Variants in HSD17B2 observed in about 807,000 individuals in gnomAD.
HSD17B2 encodes the protein 17-beta-hydroxysteroid dehydrogenase type 2.
HSD17B2 carries 32 observed loss-of-function variants against 26.9 expected under a neutral mutation model. The observed-to-expected ratio is 1.19, with a 90% CI of 0.90 to 1.60. The LOEUF (loss-of-function observed/expected upper bound fraction) is 1.60. Among genes scored for constraint, HSD17B2 ranks in the 40% most tolerant of loss-of-function variants. The probability of loss-of-function intolerance (pLI) is 0.00; values close to 1 mark genes in which losing one functional copy is unlikely to be tolerated. For missense variants in HSD17B2, 613 were observed against 468.6 expected, an observed-to-expected ratio of 1.31 and a Z score of -2.85; for synonymous variants, 246 against 186.7, an observed-to-expected ratio of 1.32 and a Z score of -2.59.
chr16:82,069,018 G>T (rs1416819990), intron 2 of HSD17B2, among the ~76,000 whole-genome samples: 1 of 152,188 alleles, frequency 6.6e-6, no homozygotes, highest in African/African-American at 2.4e-5. Context: ...CAGCCATCCT[G>T]TAAGTACTGA....
At chr16:82,088,375 C>T (rs1006801506) in intron 3 of HSD17B2, among the ~76,000 whole-genome samples, 2 of 152,138 alleles carry the variant, frequency 1.3e-5, no homozygotes, top group African/African-American at 2.4e-5. Context: ...ATTTAACTTT[C>T]GCAACGATCC....
At chr16:82,039,639 T>C (rs1913716506) in intron 1 of HSD17B2, among the ~76,000 whole-genome samples, 1 of 152,218 alleles carries the variant, frequency 6.6e-6, no homozygotes, top group African/African-American at 2.4e-5. Flanking sequence ...CTGGAGTTCC[T>C]TCCCCCTCTT....
chr16:82,090,302 GTTTTTTTTTTTTTTTTTTT>G (rs35272646), intron 3 of HSD17B2: 81 of 40,100 alleles, frequency 2.0e-3, no homozygotes, highest in Admixed American at 5.1e-3. Context: ...AAACTACATT[GTTTTTTTTTTTTTTTTTTT>G]TTTTTTTTTT....
chr16:82,073,351 A>C (rs1317153076), intron 3 of HSD17B2, among the ~76,000 whole-genome samples: 3 of 151,622 alleles, frequency 2.0e-5, no homozygotes, highest in Non-Finnish European at 4.4e-5. Context: ...CAGCCTCCCT[A>C]GTAGCTGGGA....
intron 3 of HSD17B2, among the ~76,000 whole-genome samples, chr16:82,086,888 A>G (rs908938315): frequency 6.6e-6 from 1 of 152,204 alleles, no homozygotes; most frequent in African/African-American, 2.4e-5. Flanking sequence ...TGGTTTACAG[A>G]CAACTACCTT....
At chr16:82,038,825 T>C (rs1913689393) in intron 1 of HSD17B2, among the ~76,000 whole-genome samples, 1 of 152,202 alleles carries the variant, frequency 6.6e-6, no homozygotes, top group Non-Finnish European at 1.5e-5. Flanking sequence ...TGAAGATCAC[T>C]TGGGCTTGAT....
chr16:82,068,208 C>G lies in HSD17B2; in HGVS notation c.304C>G (p.Leu102Val). 6.2e-7 allele frequency: 1 copy of G among 1,614,156 alleles called. No individual in the cohort carries two copies. The highest frequency in any genetic ancestry group is 8.5e-7 in the Non-Finnish European group (1 of 1,180,040). Reference sequence around the variant, plus strand: ...GCTTGGCCATGCTTTGTGCAAGTATCTGGATGAGCTGGGCTTCACGGTATT... The same window carrying G: ...GCTTGGCCATGCTTTGTGCAAGTATGTGGATGAGCTGGGCTTCACGGTATT... ...CGLGHALCKY[L>V]DELGFTVFAG... Residue 102 changes from leucine to valine, a missense_variant, in exon 2 of 5, where the codon CTG becomes GTG. Physicochemically the swap from Leu to Val is conservative, Grantham distance 32. Coordinates refer to ENST00000199936, the MANE Select transcript of HSD17B2 (RefSeq NM_002153.3).
At chr16:82,050,718 T>C (rs1403640927) in intron 1 of HSD17B2, among the ~76,000 whole-genome samples, 1 of 152,194 alleles carries the variant, frequency 6.6e-6, no homozygotes, top group Non-Finnish European at 1.5e-5. Flanking sequence ...CGGGAATGCT[T>C]TTTCCTCCAC....
intron 1 of HSD17B2, among the ~76,000 whole-genome samples, chr16:82,045,811 T>C (rs1357106483): frequency 6.6e-6 from 1 of 152,272 alleles, no homozygotes; most frequent in Non-Finnish European, 1.5e-5. Flanking sequence ...TTCATGCCCT[T>C]TTAAGCTCTG....
At chr16:82,059,678 G>C (rs4497679) in intron 1 of HSD17B2, among the ~76,000 whole-genome samples, 68,986 of 152,020 alleles carry the variant, frequency 0.45, 19,078 homozygotes, top group Non-Finnish European at 0.61. Context: ...AAGAATGAAG[G>C]TGAAGACAGG....
Position 82,035,574 on chromosome 16 carries a change from C to A in HSD17B2, c.150C>A (p.Leu50=), listed in dbSNP as rs377625310. ...CAGGCCTCTGTGCAGTCTGCCTGCT[C>A]ATCCTGTCCCCTTTTTGGGGCTTGA... ...CLAGLCAVCL[L]ILSPFWGLIL... The change falls in exon 1 of 5, where the codon CTC becomes CTA. Residue 50 remains leucine, a synonymous_variant. Coordinates refer to ENST00000199936, the MANE Select transcript of HSD17B2 (RefSeq NM_002153.3). The A allele has an allele frequency of 1.2e-6, 2 of 1,613,982 alleles. No individual in the cohort carries two copies. The highest frequency in any genetic ancestry group is 2.7e-5 in the African/African-American group (2 of 74,916).
At position 82,098,158 on chromosome 16, in the gene HSD17B2, G is replaced by A. The variant is rs751733597; in HGVS notation, c.886G>A (p.Gly296Ser). 2.3e-5 allele frequency: 37 copies of A among 1,613,884 alleles called. No homozygotes were observed. The highest frequency in any genetic ancestry group is 3.3e-4 in the Middle Eastern group (2 of 6,084). ...CCCCGCTGAGGTACAGGAAGACTAC[G>A]GCCAGGACTACATCTTAGCACAGCG... ...HLPAEVQEDY[G>S]QDYILAQRNF... Residue 296 changes from glycine (G) to serine (S), a missense_variant, in exon 5 of 5, where the codon GGC becomes AGC. Transcript: ENST00000199936.
chr16:82,077,583 A>T (rs1484659822), intron 3 of HSD17B2, among the ~76,000 whole-genome samples: 2 of 152,130 alleles, frequency 1.3e-5, no homozygotes, highest in African/African-American at 4.8e-5. Flanking sequence ...ACAAAAAATT[A>T]GCCAGGCATG....
At chr16:82,093,052 T>C (rs545800499) in intron 4 of HSD17B2, 1 of 150,690 alleles carries the variant, frequency 6.6e-6, no homozygotes, top group African/African-American at 2.4e-5. Context: ...CATACATTCT[T>C]TACTGATGTT....
intron 3 of HSD17B2, among the ~76,000 whole-genome samples, chr16:82,085,167 C>T (rs723012): frequency 0.26 from 39,225 of 152,108 alleles, 6,328 homozygotes; most frequent in Non-Finnish European, 0.36. Context: ...GGGATCATTC[C>T]TGGACTTTTC....
intron 3 of HSD17B2, among the ~76,000 whole-genome samples, chr16:82,086,957 G>A (rs1042058144): frequency 5.0e-4 from 76 of 152,306 alleles, no homozygotes; most frequent in African/African-American, 1.6e-3. Flanking sequence ...AGTGTGAGGT[G>A]TCTGGTGTTT....
chr16:82,081,290 TC>T (rs200756951), intron 3 of HSD17B2, among the ~76,000 whole-genome samples: 1 of 152,126 alleles, frequency 6.6e-6, no homozygotes, highest in East Asian at 1.9e-4. Flanking sequence ...CGCATGAACT[TC>T]CCTAAATTCT....
chr16:82,074,999 T>A (rs932123489), intron 3 of HSD17B2, among the ~76,000 whole-genome samples: 3 of 152,082 alleles, frequency 2.0e-5, no homozygotes, highest in African/African-American at 7.2e-5. Context: ...ATATCAAGTA[T>A]CTTCTCTGAC....
intron 1 of HSD17B2, among the ~76,000 whole-genome samples, chr16:82,043,550 G>A (rs898962123): frequency 2.1e-5 from 3 of 142,112 alleles, no homozygotes; most frequent in African/African-American, 6.2e-5. Flanking sequence ...CGGGCGCCGT[G>A]GCAGGCGCCT....
Sources: allele counts gnomAD v4.1 joint callset (sites outside exome capture counted in the v4.1 genomes callset), GRCh38; gene constraint gnomAD v4.1.1; transcripts MANE v1.5; gene names NCBI Gene and HGNC (gene_info 2026-07-23, HGNC 2026-07-21).